The following UTRN variants were observed in gnomAD, a reference collection of about 807,000 sequenced individuals.
UTRN encodes the protein utrophin.
A neutral mutation model predicts 463.9 loss-of-function variants in UTRN; 283 were observed. The observed-to-expected ratio is 0.61, with a 90% CI of 0.55 to 0.67. The LOEUF (loss-of-function observed/expected upper bound fraction) is 0.67, where lower values mean the gene tolerates loss of function less well. Among genes scored for constraint, UTRN ranks in the 30% least tolerant of loss-of-function variants. The pLI, the probability that UTRN is intolerant of heterozygous loss-of-function variation, is 0.00. For synonymous variants in UTRN, 1,442 were observed against 1,431.5 expected (o/e 1.01, Z -0.17); for missense variants, 3,922 against 4,084.3 (o/e 0.96, Z 1.08).
chr6:144,290,535 G>T (rs1804129268), intron 1 of UTRN, among the ~76,000 whole-genome samples: 1 of 152,104 alleles, frequency 6.6e-6, no homozygotes, highest in Non-Finnish European at 1.5e-5. Flanking sequence ...CCCATGATTG[G>T]TTATGTGAAT....
chr6:144,512,749 C>T (rs758354835), intron 35 of UTRN, among the ~76,000 whole-genome samples: 2 of 151,930 alleles, frequency 1.3e-5, no homozygotes, highest in African/African-American at 2.4e-5. Context: ...CCATGTTGTC[C>T]AGGCTGGTCT....
At chr6:144,676,700 G>A (rs867640188) in intron 51 of UTRN, among the ~76,000 whole-genome samples, 3 of 151,782 alleles carry the variant, frequency 2.0e-5, no homozygotes, top group African/African-American at 2.4e-5. Flanking sequence ...AACAGGCCCC[G>A]GTGTGTGATG....
chr6:144,437,867 G>C, intron 11 of UTRN, 121 bp downstream of exon 11: 1 of 1,009,014 alleles, frequency 9.9e-7, no homozygotes. Flanking sequence ...GGAAAAGTAA[G>C]ACTCTTTTCT....
At chr6:144,310,962 C>T (rs910467741) in intron 2 of UTRN, among the ~76,000 whole-genome samples, 3 of 152,210 alleles carry the variant, frequency 2.0e-5, no homozygotes, top group Admixed American at 2.0e-4. Flanking sequence ...ATGAAATGAG[C>T]AGACTGAGGT....
chr6:144,816,680 C>A (rs957643435), intron 65 of UTRN, among the ~76,000 whole-genome samples: 4 of 146,786 alleles, frequency 2.7e-5, no homozygotes, highest in Non-Finnish European at 6.0e-5. Flanking sequence ...CCATTTAAAT[C>A]TTTTTTAAGT....
intron 39 of UTRN, among the ~76,000 whole-genome samples, chr6:144,517,412 G>A (rs537099686): frequency 6.6e-6 from 1 of 150,670 alleles, no homozygotes; most frequent in East Asian, 2.0e-4. Context: ...TGCCCAGGCT[G>A]ATCTTGAACT....
At chr6:144,540,008 A>G (rs1038714505) in intron 45 of UTRN, among the ~76,000 whole-genome samples, 11 of 147,910 alleles carry the variant, frequency 7.4e-5, no homozygotes, top group Non-Finnish European at 1.5e-4. Flanking sequence ...ACACCACTGG[A>G]CCCCAGCCTG....
chr6:144,819,300 T>C (rs1179959917), intron 65 of UTRN, among the ~76,000 whole-genome samples: 1 of 152,232 alleles, frequency 6.6e-6, no homozygotes, highest in Non-Finnish European at 1.5e-5. Context: ...GAAGCAGACA[T>C]GTTTTGATAG....
At chr6:144,502,260 C>CT (rs939088183) in intron 34 of UTRN, among the ~76,000 whole-genome samples, 14 of 150,994 alleles carry the variant, frequency 9.3e-5, no homozygotes, top group Non-Finnish European at 1.8e-4. Flanking sequence ...AGCTTTTTTC[C>CT]TTTTTTTTAA....
intron 51 of UTRN, among the ~76,000 whole-genome samples, chr6:144,593,840 A>G (rs1182971519): frequency 6.6e-6 from 1 of 152,200 alleles, no homozygotes; most frequent in Non-Finnish European, 1.5e-5. Flanking sequence ...TGTTTCCAAA[A>G]TTTAGTTCAT....
At chr6:144,824,605 TATATA>T (rs1562955031) in intron 66 of UTRN, among the ~76,000 whole-genome samples, 26 of 50,028 alleles carry the variant, frequency 5.2e-4, no homozygotes, top group East Asian at 3.1e-3. Context: ...TATATATATA[TATATA>T]TATCTTTTTT....
At position 144,625,952 on chromosome 6, in the gene UTRN, T is replaced by C. The variant is rs543085626; in HGVS notation, c.7479+48664T>C. ...AAAAGAAGGAAAAAAAATCAGTTTC[T>C]GGCTGAAAAGTTTCTGTTGACACTG... On this transcript the variant is annotated intron_variant, in intron 51 of 74. Coordinates refer to ENST00000367545, the MANE Select transcript of UTRN (RefSeq NM_007124.3). 3.9e-5 allele frequency among the ~76,000 whole-genome samples: 6 copies of C among 152,356 alleles called. No homozygotes were observed. In the East Asian group the frequency reaches 9.6e-4, roughly 24 times the overall value.
chr6:144,487,928 A>G (rs1792635827), intron 29 of UTRN, among the ~76,000 whole-genome samples: 1 of 152,220 alleles, frequency 6.6e-6, no homozygotes, highest in Non-Finnish European at 1.5e-5. Flanking sequence ...GATTACTTCT[A>G]CTTACAAACA....
chr6:144,358,907 A>C (rs1314019233), intron 2 of UTRN, among the ~76,000 whole-genome samples: 1 of 152,202 alleles, frequency 6.6e-6, no homozygotes, highest in Non-Finnish European at 1.5e-5. Flanking sequence ...CATACTTAAA[A>C]ATAATTGGAA....
intron 51 of UTRN, among the ~76,000 whole-genome samples, chr6:144,603,403 C>T (rs1804478678): frequency 1.3e-5 from 2 of 152,058 alleles, no homozygotes; most frequent in African/African-American, 4.8e-5. Context: ...ACTCATCTCG[C>T]CATACTCTGA....
In UTRN at chr6:144,512,541, T is replaced by G. The variant is rs1351690669; in HGVS notation, c.4945-1368T>G. ...AGGGCAAGTTTGTTTTATTTTTATA[T>G]TGTTTATTTGTTCACTTTTTTTTTT... On this transcript the variant is annotated intron_variant, in intron 35 of 74. Coordinates refer to ENST00000367545, the MANE Select transcript of UTRN (RefSeq NM_007124.3). Among the ~76,000 whole-genome samples, 3 of 151,994 alleles carry G rather than the reference T, an allele frequency of 2.0e-5. No individual in the cohort carries two copies. The East Asian group carries it at 5.8e-4, about 29-fold the overall frequency.
At chr6:144,356,168 A>G (rs1017011536) in intron 2 of UTRN, among the ~76,000 whole-genome samples, 14 of 152,212 alleles carry the variant, frequency 9.2e-5, no homozygotes, top group African/African-American at 3.4e-4. Context: ...TTACTTATCG[A>G]CATCTCAGGT....
At chr6:144,652,813 C>G (rs1185900621) in intron 51 of UTRN, among the ~76,000 whole-genome samples, 1 of 152,216 alleles carries the variant, frequency 6.6e-6, no homozygotes, top group Non-Finnish European at 1.5e-5. Context: ...GACCAGCCCA[C>G]TGCTGCAGAA....
chr6:144,392,998 GCCATCCATCCATCCAT>G (rs58099859), intron 2 of UTRN, among the ~76,000 whole-genome samples: 12,743 of 150,158 alleles, frequency 0.085, 1,434 homozygotes, highest in African/African-American at 0.25. Context: ...GTGTCCAGCT[GCCATCCATCCATCCAT>G]CCATCCATCC....
Sources: allele counts gnomAD v4.1 joint callset (sites outside exome capture counted in the v4.1 genomes callset), GRCh38; gene constraint gnomAD v4.1.1; transcripts MANE v1.5; gene names NCBI Gene and HGNC (gene_info 2026-07-23, HGNC 2026-07-21).